The following ASAP2 variants were observed in gnomAD, a reference collection of about 807,000 sequenced individuals.
ASAP2 encodes the protein ArfGAP with SH3 domain, ankyrin repeat and PH domain 2, also known as arf-GAP with SH3 domain, ANK repeat and PH domain-containing protein 2.
In ASAP2, 45 loss-of-function variants were observed where a neutral mutation model predicts 131.4. The observed-to-expected ratio is 0.34, with a 90% CI of 0.27 to 0.44. The LOEUF (loss-of-function observed/expected upper bound fraction) is 0.44, where lower values mean the gene tolerates loss of function less well. Ranked by LOEUF, ASAP2 falls within the 20% of genes least tolerant of loss-of-function variation. The probability of loss-of-function intolerance (pLI) is 1.00; values close to 1 mark genes in which losing one functional copy is unlikely to be tolerated. For synonymous variants in ASAP2, 510 were observed against 503.0 expected, an observed-to-expected ratio of 1.01 and a Z score of -0.19; for missense variants, 1,011 against 1,297.0, an observed-to-expected ratio of 0.78 and a Z score of 3.39.
Position 9,329,880 on chromosome 2 carries a change from T to C in ASAP2, c.686+1969T>C, listed in dbSNP as rs188023888. ...CTCCTAGGACCCAGCTTATGGATCA[T>C]TCCTGCTTTGCGATGCTTCTTCCTT... On this transcript the variant is annotated intron_variant, in intron 7 of 27. Coordinates refer to ENST00000281419, the MANE Select transcript of ASAP2 (RefSeq NM_003887.3). Among the ~76,000 whole-genome samples, 94 of 152,346 alleles carry C rather than the reference T, an allele frequency of 6.2e-4. 1 individual carries two copies. The highest frequency in any genetic ancestry group is 2.1e-3 in the African/African-American group (88 of 41,596).
intron 24 of ASAP2, among the ~76,000 whole-genome samples, chr2:9,396,336 G>A (rs968819385): frequency 3.9e-5 from 6 of 152,018 alleles, no homozygotes; most frequent in African/African-American, 1.5e-4. Flanking sequence ...GTACAGTGGT[G>A]TGATCACGGT....
chr2:9,366,501 G>C (rs1437610505), intron 15 of ASAP2, among the ~76,000 whole-genome samples: 1 of 152,198 alleles, frequency 6.6e-6, no homozygotes, highest in Non-Finnish European at 1.5e-5. Context: ...CTCTGACATT[G>C]GGGTTCAGTC....
rs1449227832 is a variant in ASAP2 at position 9,366,893 on chromosome 2, C to T, written c.1462-1532C>T. Among the ~76,000 whole-genome samples the T allele has an allele frequency of 5.3e-5, 8 of 152,132 alleles. No individual in the cohort carries two copies. In the South Asian group the frequency reaches 6.2e-4, roughly 12 times the overall value. On this transcript the variant is annotated intron_variant, in intron 15 of 27. Transcript: ENST00000281419. ...CATTTCACCGTTTGATGTTATTTGC[C>T]GCCAGGAAGTTCCAGTGTATCTAAC... is the stretch of plus-strand genomic sequence containing the variant.
intron 1 of ASAP2, among the ~76,000 whole-genome samples, chr2:9,243,725 G>A (rs565756828): frequency 1.3e-5 from 2 of 152,266 alleles, no homozygotes; most frequent in African/African-American, 4.8e-5. Flanking sequence ...ATTCTGGTAC[G>A]TAGTCACTCA....
chr2:9,215,573 A>C (rs1661959503), intron 1 of ASAP2, among the ~76,000 whole-genome samples: 1 of 152,060 alleles, frequency 6.6e-6, no homozygotes, highest in Admixed American at 6.6e-5. Context: ...CCTAATGAAA[A>C]TACAGATAAT....
At chr2:9,343,478 G>A (rs769957904) in intron 9 of ASAP2, among the ~76,000 whole-genome samples, 1 of 152,072 alleles carries the variant, frequency 6.6e-6, no homozygotes, top group Non-Finnish European at 1.5e-5. Context: ...ACAAGGTCTC[G>A]CTCTGTCACT....
chr2:9,361,974 CGTGTGTGTGTGTGTGTGT>C (rs70948815), intron 15 of ASAP2, among the ~76,000 whole-genome samples: 2 of 143,172 alleles, frequency 1.4e-5, no homozygotes, highest in Admixed American at 1.4e-4. Context: ...TCTTTCTCTG[CGTGTGTGTGTGTGTGTGT>C]GTGTGTGTGT....
In ASAP2 at chr2:9,232,601, G is replaced by A. The variant is rs191571278; in HGVS notation, c.126+25371G>A. On this transcript the variant is annotated intron_variant, in intron 1 of 27. Transcript: ENST00000281419. This position sits in a 1 kb window ranked among gnomAD's most constrained non-coding sequence, Gnocchi z 4.1. ...CTCCCCATTAGATCATAAGCTTCCT[G>A]GGGGCAGGGATTTTTGACTCTTACT... 3.3e-3 allele frequency among the ~76,000 whole-genome samples: 510 copies of A among 152,252 alleles called. 6 individuals carry two copies. Among genetic ancestry groups the A allele is most frequent in the African/African-American group, 0.012 (483 of 41,552 alleles).
intron 15 of ASAP2, among the ~76,000 whole-genome samples, chr2:9,363,749 T>G (rs1428885747): frequency 6.6e-6 from 1 of 152,136 alleles, no homozygotes; most frequent in African/African-American, 2.4e-5. Flanking sequence ...TTTTTAAAAT[T>G]TTTCCATAGA....
chr2:9,226,379 C>T (rs76503717), intron 1 of ASAP2, among the ~76,000 whole-genome samples: 2 of 152,192 alleles, frequency 1.3e-5, no homozygotes, highest in South Asian at 4.1e-4. Context: ...GCGGGGTCAC[C>T]TCCCTGAGGC....
At chr2:9,329,692 A>T (rs1294678039) in intron 7 of ASAP2, among the ~76,000 whole-genome samples, 1 of 152,216 alleles carries the variant, frequency 6.6e-6, no homozygotes, top group Non-Finnish European at 1.5e-5. Flanking sequence ...TGACAGCGGG[A>T]GTGGAAGGTG....
chr2:9,208,542 A>G (rs1661311137), intron 1 of ASAP2, among the ~76,000 whole-genome samples: 2 of 152,104 alleles, frequency 1.3e-5, no homozygotes, highest in African/African-American at 4.8e-5. Flanking sequence ...AAGGGAGTCA[A>G]AAGTAACATT....
At position 9,390,893 on chromosome 2, in the gene ASAP2, C is replaced by T. The variant is rs1572622035; in HGVS notation, c.2384-169C>T. Reference sequence around the variant, plus strand: ...TTTCGCGAGTATCAGTGTCTATCTTCCACATGCCGGAGACAGGAGTAAAAG... The same window carrying T: ...TTTCGCGAGTATCAGTGTCTATCTTTCACATGCCGGAGACAGGAGTAAAAG... On this transcript the variant is annotated intron_variant, in intron 22 of 27. Transcript: ENST00000281419. 2.6e-5 allele frequency among the ~76,000 whole-genome samples: 4 copies of T among 152,318 alleles called. No individual in the cohort carries two copies. The South Asian group carries it at 8.3e-4, about 32-fold the overall frequency.
At chr2:9,334,345 A>C (rs12692381) in intron 7 of ASAP2, among the ~76,000 whole-genome samples, 7,130 of 151,848 alleles carry the variant, frequency 0.047, 493 homozygotes, top group African/African-American at 0.15. Flanking sequence ...CATGAGCCAC[A>C]GCACCCGGCC....
chr2:9,323,041 G>A, intron 5 of ASAP2, 80 bp from the exon 6 acceptor site: 1 of 1,559,320 alleles, frequency 6.4e-7, no homozygotes. Context: ...CGCCAGGCTG[G>A]GTACTGGGGT....
At chr2:9,325,879 G>A (rs1046859628) in intron 6 of ASAP2, among the ~76,000 whole-genome samples, 2 of 152,208 alleles carry the variant, frequency 1.3e-5, no homozygotes, top group African/African-American at 4.8e-5. Context: ...AGTGAGAGCT[G>A]TACTATATGC....
chr2:9,298,544 C>T (rs139801652), intron 3 of ASAP2, among the ~76,000 whole-genome samples: 1 of 152,278 alleles, frequency 6.6e-6, no homozygotes, highest in Admixed American at 6.5e-5. Context: ...CCCCCTTCAT[C>T]CTTATCCTAG....
intron 24 of ASAP2, among the ~76,000 whole-genome samples, chr2:9,394,748 G>GGC (rs1675984588): frequency 6.6e-6 from 1 of 152,202 alleles, no homozygotes; most frequent in Non-Finnish European, 1.5e-5. Context: ...ACAGACATGA[G>GGC]GCACAGCCAG....
In ASAP2 at chr2:9,214,794, A is replaced by AT. The variant is rs1158028730; in HGVS notation, c.126+7564_126+7565insT. 1.7e-4 allele frequency among the ~76,000 whole-genome samples: 26 copies of AT among 152,078 alleles called. No homozygotes were observed. In the South Asian group the frequency reaches 5.0e-3, roughly 29 times the overall value. ...TGGACGTCTAAAAAAAAAAAAAAAAAAAAAGTGAACAGGACTAGCTCCTTC... is the reference window on the plus strand; with the variant it reads ...TGGACGTCTAAAAAAAAAAAAAAAAATAAAAGTGAACAGGACTAGCTCCTTC... On this transcript the variant is annotated intron_variant, in intron 1 of 27. Coordinates refer to ENST00000281419, the MANE Select transcript of ASAP2 (RefSeq NM_003887.3).
Sources: allele counts gnomAD v4.1 joint callset (sites outside exome capture counted in the v4.1 genomes callset), GRCh38; gene constraint gnomAD v4.1.1; non-coding constraint Gnocchi (gnomAD v3.1); transcripts MANE v1.5; gene names NCBI Gene and HGNC (gene_info 2026-07-23, HGNC 2026-07-21).